CRLS1: variants seen among roughly 807,000 people sequenced by gnomAD.
The protein encoded by CRLS1 is cardiolipin synthase (CMP-forming).
CRLS1 carries 24 observed loss-of-function variants against 37.0 expected under a neutral mutation model. That is an observed-to-expected ratio of 0.65 (90% confidence interval 0.47 to 0.91). The LOEUF (loss-of-function observed/expected upper bound fraction) is 0.91, where lower values mean the gene tolerates loss of function less well. CRLS1 is among the 40% of genes least tolerant of loss of function. The pLI is 0.00. For missense variants in CRLS1, 373 were observed against 395.8 expected (o/e 0.94, Z 0.49); for synonymous variants, 135 against 159.7 (o/e 0.85, Z 1.17).
chr20:6,032,219 G>C, intron 5 of CRLS1, 139 bp downstream of exon 5: 1 of 632,594 alleles, frequency 1.6e-6, no homozygotes, highest in Non-Finnish European at 2.7e-6. Flanking sequence ...GCGTTGGGCA[G>C]GCAGTTTTAA....
At chr20:6,030,271 C>T (rs1293085524) in intron 3 of CRLS1, among the ~76,000 whole-genome samples, 1 of 151,916 alleles carries the variant, frequency 6.6e-6, no homozygotes, top group Non-Finnish European at 1.5e-5. Context: ...AATAGGGGTT[C>T]CTTGGGTATT....
In CRLS1 at chr20:6,034,450, C is replaced by CT; in HGVS notation, c.730-7dup. On this transcript the variant is annotated splice_polypyrimidine_tract_variant and intron_variant, in intron 5 of 6. Transcript: ENST00000378863. ...TGGCACTATTCACTTAGAACTTTTTCTTTTTTTATTTAGGTGAATACAGCA... is the reference window on the plus strand; with the variant it reads ...TGGCACTATTCACTTAGAACTTTTTCTTTTTTTTATTTAGGTGAATACAGCA... 2 of 1,599,360 alleles carry CT rather than the reference C, an allele frequency of 1.3e-6. No individual in the cohort carries two copies. Among genetic ancestry groups the CT allele is most frequent in the Non-Finnish European group, 1.7e-6 (2 of 1,172,162 alleles).
chr20:6,030,624 G>T (rs1980094227), intron 3 of CRLS1, among the ~76,000 whole-genome samples: 1 of 151,964 alleles, frequency 6.6e-6, no homozygotes, highest in Non-Finnish European at 1.5e-5. Flanking sequence ...AGGGTGAGGT[G>T]GGAGGATTGC....
chr20:6,023,942 C>T (rs1979473317), intron 3 of CRLS1, among the ~76,000 whole-genome samples: 1 of 129,490 alleles, frequency 7.7e-6, no homozygotes, highest in South Asian at 2.6e-4. Context: ...GCTCATTTTG[C>T]CTCTCTGTCA....
intron 5 of CRLS1, among the ~76,000 whole-genome samples, chr20:6,032,942 G>T (rs1286117610): frequency 6.6e-6 from 1 of 151,992 alleles, no homozygotes; most frequent in Non-Finnish European, 1.5e-5. Flanking sequence ...TTGTTTGTTT[G>T]TTTGGCTTCA....
Position 6,034,046 on chromosome 20 carries a change from G to T in CRLS1, c.730-418G>T, listed in dbSNP as rs1980375269. ...CCAGGAAATCTAGGTTCCAGCTTTG[G>T]TTCTGTTGTCTGCTGTGACTGCAGG... On this transcript the variant is annotated intron_variant, in intron 5 of 6. Transcript: ENST00000378863. Among the ~76,000 whole-genome samples the T allele has an allele frequency of 3.3e-5, 5 of 152,308 alleles. No individual in the cohort carries two copies. The East Asian group carries it at 9.6e-4, about 29-fold the overall frequency.
At chr20:6,031,669 G>T (rs1292399048) in intron 4 of CRLS1, among the ~76,000 whole-genome samples, 1 of 152,122 alleles carries the variant, frequency 6.6e-6, no homozygotes, top group Non-Finnish European at 1.5e-5. Context: ...GAACACATAC[G>T]CATAGCATAT....
At position 6,009,845 on chromosome 20, in the gene CRLS1, A is replaced by G. The variant is rs1459458862; in HGVS notation, c.377A>G (p.Tyr126Cys). 7.4e-6 allele frequency: 12 copies of G among 1,613,956 alleles called. No individual in the cohort carries two copies. The highest frequency in any genetic ancestry group is 9.3e-6 in the Non-Finnish European group (11 of 1,179,958). ...ATTGGCTTGGCCCCAGTTCTGGGCT[A>G]TTTGATTATTGAAGAAGATTTTAAT... ...TRIGLAPVLG[Y>C]LIIEEDFNIA... Residue 126 changes from tyrosine to cysteine, a missense_variant, in exon 2 of 7, where the codon TAT becomes TGT. Coordinates refer to ENST00000378863, the MANE Select transcript of CRLS1 (RefSeq NM_019095.6).
At chr20:6,036,953 C>A in intron 6 of CRLS1, 121 bp from the exon 7 acceptor site, 3 of 652,604 alleles carry the variant, frequency 4.6e-6, no homozygotes, top group South Asian at 4.3e-5. Flanking sequence ...ACCACAGAGC[C>A]CTTTTTACTT....
At chr20:6,026,810 G>A (rs1244635825) in intron 3 of CRLS1, among the ~76,000 whole-genome samples, 1 of 152,150 alleles carries the variant, frequency 6.6e-6, no homozygotes, top group East Asian at 1.9e-4. Context: ...AGCTGTGGGA[G>A]GAGGCTGGGA....
chr20:6,012,933 A>G (rs1978447470), intron 2 of CRLS1, among the ~76,000 whole-genome samples: 1 of 152,070 alleles, frequency 6.6e-6, no homozygotes. Context: ...GAGGTCAGGT[A>G]CTCTAAAAAT....
intron 3 of CRLS1, among the ~76,000 whole-genome samples, chr20:6,025,719 C>T (rs945064294): frequency 1.3e-5 from 2 of 152,160 alleles, no homozygotes; most frequent in African/African-American, 4.8e-5. Flanking sequence ...GGGAGAAAGT[C>T]AAAATATCAC....
chr20:6,023,511 G>A (rs6085352), intron 3 of CRLS1: 112,583 of 152,126 alleles, frequency 0.74, 42,744 homozygotes, highest in African/African-American at 0.92. Flanking sequence ...CCTAGCTGCA[G>A]GCTAGAAGGT....
chr20:6,036,613 G>C (rs6038334), intron 6 of CRLS1, among the ~76,000 whole-genome samples: 102,329 of 152,150 alleles, frequency 0.67, 34,646 homozygotes, highest in Middle Eastern at 0.81. Flanking sequence ...GAGTTCAAAC[G>C]AAGTCAGGCT....
intron 3 of CRLS1, among the ~76,000 whole-genome samples, chr20:6,016,286 G>A (rs761014831): frequency 5.3e-5 from 8 of 152,200 alleles, no homozygotes; most frequent in Non-Finnish European, 1.0e-4. Context: ...GTAGAAAGAA[G>A]TATAGTGGCA....
chr20:6,014,304 G>C (rs1373549231), intron 2 of CRLS1, among the ~76,000 whole-genome samples: 1 of 152,160 alleles, frequency 6.6e-6, no homozygotes, highest in South Asian at 2.1e-4. Context: ...AACAGCTTCT[G>C]TTCTGCTACA....
intron 1 of CRLS1, among the ~76,000 whole-genome samples, chr20:6,008,887 G>GT (rs1158717246): frequency 6.6e-6 from 1 of 152,170 alleles, no homozygotes; most frequent in African/African-American, 2.4e-5. Context: ...AGTAGACACT[G>GT]TTTGTCTATT....
intron 3 of CRLS1, among the ~76,000 whole-genome samples, chr20:6,018,506 A>G (rs926538998): frequency 2.0e-5 from 3 of 152,148 alleles, no homozygotes; most frequent in African/African-American, 7.2e-5. Flanking sequence ...CTTATTCCCA[A>G]CCTCATAGAA....
intron 3 of CRLS1, chr20:6,028,269 G>A (rs1979884822): frequency 6.6e-6 from 1 of 152,008 alleles, no homozygotes; most frequent in Non-Finnish European, 1.5e-5. Context: ...TTATGGGAGG[G>A]GGAGAAGGAT....
Sources: allele counts gnomAD v4.1 joint callset (sites outside exome capture counted in the v4.1 genomes callset), GRCh38; gene constraint gnomAD v4.1.1; transcripts MANE v1.5; gene names NCBI Gene and HGNC (gene_info 2026-07-23, HGNC 2026-07-21).